The following F13A1 variants were observed in gnomAD, a reference collection of about 807,000 sequenced individuals.
The protein encoded by F13A1 is FSF, A subunit.
Under a neutral mutation model 80.1 loss-of-function variants are expected in F13A1, and 47 were observed. The observed-to-expected ratio is 0.59, with a 90% confidence interval of 0.46 to 0.75. The LOEUF (loss-of-function observed/expected upper bound fraction) is 0.75. Among genes scored for constraint, F13A1 ranks in the 30% least tolerant of loss-of-function variants. F13A1 has a pLI of 0.00. For synonymous variants in F13A1, 349 were observed against 344.9 expected, an observed-to-expected ratio of 1.01 and a Z score of -0.13; for missense variants, 817 against 930.4, an observed-to-expected ratio of 0.88 and a Z score of 1.59.
chr6:6,146,994 G>A (rs1420863454), intron 14 of F13A1, among the ~76,000 whole-genome samples: 1 of 152,148 alleles, frequency 6.6e-6, no homozygotes, highest in African/African-American at 2.4e-5. Flanking sequence ...ATGAAACAAT[G>A]GAATTCACAG....
At chr6:6,213,766 G>A (rs1163390046) in intron 8 of F13A1, among the ~76,000 whole-genome samples, 2 of 149,486 alleles carry the variant, frequency 1.3e-5, no homozygotes, top group African/African-American at 2.4e-5. Flanking sequence ...CCTTCAGTGT[G>A]CTGTATTCAG....
intron 8 of F13A1, among the ~76,000 whole-genome samples, chr6:6,217,619 G>A (rs1757120483): frequency 1.3e-5 from 2 of 151,956 alleles, no homozygotes; most frequent in African/African-American, 4.8e-5. Flanking sequence ...CATGGCACAT[G>A]TATACATATG....
At chr6:6,303,541 T>C (rs1758466822) in intron 3 of F13A1, among the ~76,000 whole-genome samples, 3 of 152,196 alleles carry the variant, frequency 2.0e-5, no homozygotes, top group Non-Finnish European at 4.4e-5. Context: ...CATTTCTTTG[T>C]GGTGAGAATA....
chr6:6,197,417 T>C (rs1172222681), intron 8 of F13A1, 91 bp from the exon 9 acceptor site: 2 of 1,248,544 alleles, frequency 1.6e-6, no homozygotes, highest in South Asian at 1.2e-5. Context: ...CAGTGGCTCA[T>C]GCCTGTAATC....
At chr6:6,319,116 C>T (rs1758732056) in intron 1 of F13A1, among the ~76,000 whole-genome samples, 1 of 152,186 alleles carries the variant, frequency 6.6e-6, no homozygotes, top group Admixed American at 6.5e-5. Flanking sequence ...CGCACACAAC[C>T]ATGTCCAGAC....
chr6:6,191,962 G>A (rs371167910), intron 10 of F13A1, among the ~76,000 whole-genome samples: 2 of 152,238 alleles, frequency 1.3e-5, no homozygotes, highest in Non-Finnish European at 2.9e-5. Flanking sequence ...GTGAGCGAAG[G>A]CCTCTTTGAA....
rs530021522 is a variant in F13A1, at chr6:6,300,156, G to A, written c.319+5195C>T. ...GAGAACCACTGCTCTCTTCAAAGCT[G>A]TCAGACAGGGACATTTAAGTGTGCA... On this transcript the variant is annotated intron_variant, in intron 3 of 14. Coordinates refer to ENST00000264870, the MANE Select transcript of F13A1 (RefSeq NM_000129.4). Among the ~76,000 whole-genome samples, 212 of 135,002 alleles carry A rather than the reference G, an allele frequency of 1.6e-3. 7 individuals carry two copies. Among genetic ancestry groups the A allele is most frequent in the African/African-American group, 7.7e-3 (205 of 26,784 alleles). 88.6% of individuals were successfully genotyped at this position (135,002 alleles called of 152,430 possible).
chr6:6,271,378 C>T (rs1757918583), intron 3 of F13A1, among the ~76,000 whole-genome samples: 1 of 152,146 alleles, frequency 6.6e-6, no homozygotes, highest in South Asian at 2.1e-4. Flanking sequence ...ATCCAGCTAC[C>T]CTGGGAAAAC....
chr6:6,180,522 CT>C, intron 11 of F13A1, among the ~76,000 whole-genome samples: 1 of 152,174 alleles, frequency 6.6e-6, no homozygotes, highest in Non-Finnish European at 1.5e-5. Flanking sequence ...TATGAACTTG[CT>C]TTTTTGTTTC....
chr6:6,282,367 T>C (rs559688157), intron 3 of F13A1, among the ~76,000 whole-genome samples: 1 of 152,314 alleles, frequency 6.6e-6, no homozygotes, highest in Admixed American at 6.5e-5. Flanking sequence ...TGTTTGAACA[T>C]TAAGTTATTT....
intron 13 of F13A1, among the ~76,000 whole-genome samples, chr6:6,161,759 G>C (rs1760580714): frequency 1.3e-5 from 2 of 152,128 alleles, no homozygotes; most frequent in African/African-American, 4.8e-5. Flanking sequence ...CACATGGTGG[G>C]TGCTGGGAAT....
chr6:6,186,042 G>T (rs1459074014), intron 10 of F13A1, among the ~76,000 whole-genome samples: 2 of 151,044 alleles, frequency 1.3e-5, no homozygotes, highest in Non-Finnish European at 1.5e-5. Flanking sequence ...GTCTGTTCAT[G>T]TCCTTCACCC....
chr6:6,145,799 G>T (rs758490957), intron 14 of F13A1, 27 bp from the exon 15 acceptor site: 1 of 1,614,012 alleles, frequency 6.2e-7, no homozygotes, highest in Non-Finnish European at 8.5e-7. Context: ...GAGAGGAGAG[G>T]TTGGAAGATC....
chr6:6,320,329 C>G (rs1205400830), intron 1 of F13A1, among the ~76,000 whole-genome samples: 1 of 152,232 alleles, frequency 6.6e-6, no homozygotes, highest in African/African-American at 2.4e-5. Flanking sequence ...CCAACTCCCC[C>G]ATCCCCATTT....
intron 8 of F13A1, among the ~76,000 whole-genome samples, chr6:6,217,273 C>T (rs1388770772): frequency 6.6e-5 from 10 of 152,008 alleles, no homozygotes; most frequent in African/African-American, 2.4e-4. Flanking sequence ...GACTTGGAAC[C>T]AACCCAAATG....
chr6:6,228,661 G>A (rs1757309774), intron 6 of F13A1, among the ~76,000 whole-genome samples: 2 of 148,836 alleles, frequency 1.3e-5, no homozygotes, highest in South Asian at 4.2e-4. Context: ...TTGAACCGGG[G>A]AGGCAGAGGT....
intron 4 of F13A1, among the ~76,000 whole-genome samples, chr6:6,263,876 A>G (rs1757809487): frequency 6.6e-6 from 1 of 152,168 alleles, no homozygotes; most frequent in Non-Finnish European, 1.5e-5. Flanking sequence ...CTCCAATCTA[A>G]CCCCTTCTCA....
At chr6:6,307,977 A>AT (rs397733760) in intron 2 of F13A1, among the ~76,000 whole-genome samples, 50,949 of 147,962 alleles carry the variant, frequency 0.34, 8,678 homozygotes, top group East Asian at 0.49. Flanking sequence ...TGCTCATAGG[A>AT]TTTTTTTTTT....
intron 2 of F13A1, among the ~76,000 whole-genome samples, chr6:6,307,751 G>A (rs1356674360): frequency 6.6e-6 from 1 of 151,948 alleles, no homozygotes; most frequent in Non-Finnish European, 1.5e-5. Context: ...CTACTACTTG[G>A]GCTTCTAGCT....
Sources: gnomAD v4.1 joint callset for allele counts (sites outside exome capture counted in the v4.1 genomes callset) on GRCh38, gnomAD v4.1.1 for gene constraint, MANE v1.5 for transcripts, NCBI Gene and HGNC (gene_info 2026-07-23, HGNC 2026-07-21) for gene names.